The following TRIP11 variants were observed in gnomAD, a reference collection of about 807,000 sequenced individuals.
TRIP11 encodes the protein thyroid receptor-interacting protein 11.
A neutral mutation model predicts 223.1 loss-of-function variants in TRIP11; 148 were observed. The observed-to-expected ratio is 0.66, with a 90% CI of 0.58 to 0.76. The LOEUF is 0.76. TRIP11 is among the 30% of genes least tolerant of loss of function. The pLI is 0.00. For missense variants in TRIP11, 2,043 were observed against 2,222.0 expected (o/e 0.92, Z 1.62); for synonymous variants, 762 against 772.6 (o/e 0.99, Z 0.23).
At chr14:92,026,539 T>A in intron 2 of TRIP11, 1 of 1,236,112 alleles carries the variant, frequency 8.1e-7, no homozygotes, top group Non-Finnish European at 1.2e-6. Flanking sequence ...TTTAATCCCC[T>A]GCATCGGATC....
At position 92,039,864 on chromosome 14, in the gene TRIP11, C is replaced by T; in HGVS notation, c.-179G>A. On this transcript the variant is annotated 5_prime_UTR_variant, in exon 1 of 21. Transcript: ENST00000267622. Reference sequence around the variant, plus strand: ...TCTGCCTAGAAACGCAGAGGCCTGGCCTGGAATTTTACCAGGGGCCCGCCT... The same window carrying T: ...TCTGCCTAGAAACGCAGAGGCCTGGTCTGGAATTTTACCAGGGGCCCGCCT... 7.4e-7 allele frequency: 1 copy of T among 1,347,868 alleles called. No individual in the cohort carries two copies. The highest frequency in any genetic ancestry group is 1.4e-5 in the South Asian group (1 of 73,394). 83.5% of individuals were successfully genotyped at this position (1,347,868 alleles called of 1,614,324 possible). A position where few individuals can be genotyped will look rare whatever the true frequency, so the allele number is the denominator to read the frequency against.
chr14:92,026,517 T>A, intron 2 of TRIP11: 1 of 1,093,056 alleles, frequency 9.1e-7, no homozygotes, highest in Non-Finnish European at 1.4e-6. Context: ...GTCCCTGAAC[T>A]CTCGCTTTCT....
At chr14:92,011,106 C>A in intron 8 of TRIP11, 34 bp from the exon 9 acceptor site, 2 of 1,595,932 alleles carry the variant, frequency 1.3e-6, no homozygotes, top group African/African-American at 2.7e-5. Context: ...TTTCAGGTAA[C>A]AAGAAATTTC....
rs2056352126 is a variant in TRIP11 at position 91,967,396 on chromosome 14, C to T, written c.*2277G>A. ...TCAGGTGATCCACCCACCTCACCCT[C>T]CCAAAGTTCTGGGATTACAGGCGTG... On this transcript the variant is annotated 3_prime_UTR_variant, in exon 21 of 21. Transcript: ENST00000267622. 1 of 180,140 alleles carries T rather than the reference C, an allele frequency of 5.6e-6. No individual in the cohort carries two copies. Among genetic ancestry groups the T allele is most frequent in the Non-Finnish European group, 1.2e-5 (1 of 84,268 alleles). The allele number at this position is 180,140 out of a possible 1,614,324, so 11.2% of individuals were successfully genotyped here. A position where few individuals can be genotyped will look rare whatever the true frequency, so the allele number is the denominator to read the frequency against.
chr14:91,992,254 A>G (rs1485349115), intron 15 of TRIP11, among the ~76,000 whole-genome samples: 2 of 152,038 alleles, frequency 1.3e-5, no homozygotes, highest in Non-Finnish European at 2.9e-5. Flanking sequence ...AAGAAAAAAG[A>G]AAACCAAACA....
rs2056865587 is a variant in TRIP11, at chr14:92,004,121, C to G, written c.3855G>C (p.Gly1285=). 1.2e-6 allele frequency: 2 copies of G among 1,614,024 alleles called. No individual in the cohort carries two copies. Among genetic ancestry groups the G allele is most frequent in the Admixed American group, 3.3e-5 (2 of 60,000 alleles). Residue 1285 remains glycine (G), a synonymous_variant, in exon 11 of 21, where the codon GGG becomes GGC. Transcript: ENST00000267622. The part of the protein sequence containing the change: ...EQNETKLKNF[G]QELAQVQHSI... Reference sequence around the variant, plus strand: ...TGTGCTGAACTTGTGCTAATTCCTGCCCAAAATTTTTGAGTTTGGTTTCAT... The same window carrying G: ...TGTGCTGAACTTGTGCTAATTCCTGGCCAAAATTTTTGAGTTTGGTTTCAT...
Position 92,006,054 on chromosome 14 carries a change from T to G in TRIP11, c.1922A>C (p.Asp641Ala). ...AGCTTCTCTTTCTTTAAGTAAGGTA[T>G]CCTTAAAATTACTATTAGAGTCTTG... ...LNQDSNSNFK[D>A]TLLKEREAEV... The change falls in exon 11 of 21, where the codon GAT (aspartate) becomes GCT (alanine). Residue 641 changes from aspartate to alanine, a missense_variant. Coordinates refer to ENST00000267622, the MANE Select transcript of TRIP11 (RefSeq NM_004239.4). 2 of 1,581,568 alleles carry G rather than the reference T, an allele frequency of 1.3e-6. No individual in the cohort carries two copies. The highest frequency in any genetic ancestry group is 1.7e-6 in the Non-Finnish European group (2 of 1,169,220).
In TRIP11 at chr14:92,007,748, T is replaced by G; in HGVS notation, c.1419A>C (p.Arg473Ser). Residue 473 changes from arginine to serine, a missense_variant, in exon 10 of 21, where the codon AGA (arginine) becomes AGC (serine). Arg to Ser is a moderately radical substitution (Grantham distance 110). Transcript: ENST00000267622. Reference sequence around the variant, plus strand: ...CTTGTTCCTTTGCCTCCAAATTAAGTCTTAAGTCATGTAATTCTGAATCCA... The same window carrying G: ...CTTGTTCCTTTGCCTCCAAATTAAGGCTTAAGTCATGTAATTCTGAATCCA... ...ISLDSELHDL[R>S]LNLEAKEQEL... The G allele has an allele frequency of 6.2e-7, 1 of 1,613,772 alleles. No homozygotes were observed. Among genetic ancestry groups the G allele is most frequent in the Admixed American group, 1.7e-5 (1 of 60,026 alleles).
chr14:91,976,097 A>G lies in TRIP11; in HGVS notation c.5342+11T>C. The G allele has an allele frequency of 6.2e-7, 1 of 1,609,786 alleles. No homozygotes were observed. The highest frequency in any genetic ancestry group is 8.5e-7 in the Non-Finnish European group (1 of 1,178,320). ...CACAAAATATACAAACATTAAAAGC[A>G]AAAAGCATACTTGTCTACTTTTCCT... On this transcript the variant is annotated intron_variant, in intron 17 of 20. Transcript: ENST00000267622.
chr14:92,011,132 C>T lies in TRIP11; in HGVS notation c.1228-60G>A, dbSNP rs1285469539. ...AAGAAATTTCCAGTTTATAAAAAAGCTGGCAATCTATACAATTGTGTGTTT... is the reference window on the plus strand; with the variant it reads ...AAGAAATTTCCAGTTTATAAAAAAGTTGGCAATCTATACAATTGTGTGTTT... On this transcript the variant is annotated intron_variant, in intron 8 of 20. Transcript: ENST00000267622. The T allele has an allele frequency of 9.7e-6, 14 of 1,450,498 alleles. No individual in the cohort carries two copies. In the East Asian group the frequency reaches 3.0e-4, roughly 31 times the overall value. The allele number at this position is 1,450,498 out of a possible 1,614,324, so 89.9% of individuals were successfully genotyped here. A position where few individuals can be genotyped will look rare whatever the true frequency, so the allele number is the denominator to read the frequency against.
chr14:92,003,303 A>ATT, intron 11 of TRIP11, 116 bp downstream of exon 11: 1 of 1,393,436 alleles, frequency 7.2e-7, no homozygotes, highest in South Asian at 1.3e-5. Context: ...CTTGAAATAA[A>ATT]TATTTCTAAA....
At chr14:91,977,678 G>A (rs1300374732) in intron 16 of TRIP11, among the ~76,000 whole-genome samples, 1 of 107,610 alleles carries the variant, frequency 9.3e-6, no homozygotes, top group East Asian at 2.5e-4. Flanking sequence ...TCATGTCTCT[G>A]TTTCCAACTC....
At chr14:92,036,493 C>T (rs778277324) in intron 1 of TRIP11, among the ~76,000 whole-genome samples, 8 of 152,184 alleles carry the variant, frequency 5.3e-5, no homozygotes, top group Non-Finnish European at 8.8e-5. Context: ...AAAAATCCCA[C>T]AACTTGTAAT....
intron 15 of TRIP11, among the ~76,000 whole-genome samples, chr14:91,988,757 T>G (rs1456130838): frequency 6.6e-6 from 1 of 152,212 alleles, no homozygotes; most frequent in Non-Finnish European, 1.5e-5. Context: ...TGATGTTGAT[T>G]ATGACTTTGT....
chr14:92,017,099 G>T (rs1347608418), intron 5 of TRIP11, among the ~76,000 whole-genome samples: 1 of 151,900 alleles, frequency 6.6e-6, no homozygotes, highest in East Asian at 1.9e-4. Flanking sequence ...CTGCAATTAG[G>T]TTTTAATAAA....
At chr14:92,020,885 C>T (rs1239162914) in intron 4 of TRIP11, among the ~76,000 whole-genome samples, 2 of 149,780 alleles carry the variant, frequency 1.3e-5, no homozygotes, top group Non-Finnish European at 3.0e-5. Context: ...GCCTGGCCAA[C>T]ATAGTGAAAC....
rs1322367591 is a variant in TRIP11, at chr14:91,969,876, A to T, written c.5737T>A (p.Ser1913Thr). The T allele has an allele frequency of 6.2e-7, 1 of 1,613,972 alleles. No homozygotes were observed. The highest frequency in any genetic ancestry group is 2.2e-5 in the East Asian group (1 of 44,888). ...ESFKDTAESR[S>T]GRRTDVNPFL... ...GGATTTACATCTGTTCTTCTACCAG[A>T]CCTGGATTCTGCTGTATCTAAAGAA... The change falls in exon 21 of 21, where the codon TCT becomes ACT. Residue 1913 changes from serine (S) to threonine (T), a missense_variant. Physicochemically the swap from Ser to Thr is moderately conservative, Grantham distance 58. Transcript: ENST00000267622.
intron 2 of TRIP11, among the ~76,000 whole-genome samples, chr14:92,028,229 G>C (rs893310068): frequency 6.6e-6 from 1 of 152,102 alleles, no homozygotes; most frequent in Non-Finnish European, 1.5e-5. Flanking sequence ...CTACTTGGTT[G>C]TCTGCCCTCA....
chr14:91,999,075 G>T (rs2056787507), intron 13 of TRIP11, among the ~76,000 whole-genome samples, 165 bp downstream of exon 13: 1 of 152,160 alleles, frequency 6.6e-6, no homozygotes, highest in Admixed American at 6.5e-5. Context: ...CACTCTGAGT[G>T]CCTACCTTGG....
Sources: allele counts gnomAD v4.1 joint callset (sites outside exome capture counted in the v4.1 genomes callset), GRCh38; gene constraint gnomAD v4.1.1; transcripts MANE v1.5; gene names NCBI Gene and HGNC (gene_info 2026-07-23, HGNC 2026-07-21).